The following KCNQ1 variants were observed in gnomAD, a reference collection of about 807,000 sequenced individuals.
The protein encoded by KCNQ1 is potassium voltage-gated channel subfamily KQT member 1.
Under a neutral mutation model 72.4 loss-of-function variants are expected in KCNQ1, and 49 were observed. The observed-to-expected ratio is 0.68, with a 90% CI of 0.54 to 0.86. KCNQ1 has a LOEUF of 0.86. Ranked by LOEUF, KCNQ1 falls within the 40% of genes least tolerant of loss-of-function variation. The probability of loss-of-function intolerance (pLI) is 0.00; values close to 1 mark genes in which losing one functional copy is unlikely to be tolerated. For missense variants in KCNQ1, 790 were observed against 945.1 expected (o/e 0.84, Z 2.15); for synonymous variants, 450 against 412.6 (o/e 1.09, Z -1.10).
At position 2,766,762 on chromosome 11, in the gene KCNQ1, G is replaced by T. The variant is rs1239223553; in HGVS notation, c.1515-2082G>T. Among the ~76,000 whole-genome samples, 1 of 152,102 alleles carries T rather than the reference G, an allele frequency of 6.6e-6. No individual in the cohort carries two copies. Among genetic ancestry groups the T allele is most frequent in the Non-Finnish European group, 1.5e-5 (1 of 68,024 alleles). The stretch of plus-strand genomic sequence containing the variant: ...CCTTCCAGCCTCTGTCCAATTCCTT[G>T]TCCCAAAATTAATGCTGTAAGTTTT... On this transcript the variant is annotated intron_variant, in intron 11 of 15. Transcript: ENST00000155840. This position sits in a 1 kb window ranked among gnomAD's most constrained non-coding sequence, Gnocchi z 4.4.
chr11:2,825,137 G>A (rs1847813669), intron 15 of KCNQ1, among the ~76,000 whole-genome samples: 1 of 152,234 alleles, frequency 6.6e-6, no homozygotes, highest in African/African-American at 2.4e-5. Context: ...ACGGTGGAAA[G>A]AGAGTCCAGA....
chr11:2,597,273 A>C (rs1022450465), intron 10 of KCNQ1, among the ~76,000 whole-genome samples: 2 of 152,360 alleles, frequency 1.3e-5, no homozygotes, highest in Admixed American at 1.3e-4. Context: ...TGTGGAGATA[A>C]ATAAGGCAAT....
At chr11:2,680,321 C>T (rs1850373176) in intron 11 of KCNQ1, 2 of 330,806 alleles carry the variant, frequency 6.0e-6, no homozygotes. Context: ...GCCTTCCCCA[C>T]CTCAAAAAAA....
rs996603883 is a variant in KCNQ1, at chr11:2,752,033, C to T, written c.1515-16811C>T. Among the ~76,000 whole-genome samples, 1 of 152,364 alleles carries T rather than the reference C, an allele frequency of 6.6e-6. No homozygotes were observed. Among genetic ancestry groups the T allele is most frequent in the African/African-American group, 2.4e-5 (1 of 41,576 alleles). ...ACCTCTCTGGGGTACCTTGTACTGC[C>T]CTGTCCTCCCCACGCCCTGAGGGGC... On this transcript the variant is annotated intron_variant, in intron 11 of 15. Coordinates refer to ENST00000155840, the MANE Select transcript of KCNQ1 (RefSeq NM_000218.3). This position sits in a 1 kb window ranked among gnomAD's most constrained non-coding sequence, Gnocchi z 5.2.
chr11:2,811,982 C>T (rs987395418), intron 15 of KCNQ1, among the ~76,000 whole-genome samples: 14 of 152,170 alleles, frequency 9.2e-5, no homozygotes, highest in South Asian at 2.1e-4. Context: ...CGCCCTGGCA[C>T]GCAGCCCCAC....
intron 15 of KCNQ1, among the ~76,000 whole-genome samples, chr11:2,802,001 G>T (rs969551937): frequency 3.3e-5 from 5 of 152,130 alleles, no homozygotes; most frequent in African/African-American, 1.2e-4. Context: ...CTCCAGTAGG[G>T]TGTTGGGGGA....
Position 2,808,057 on chromosome 11 carries a change from G to A in KCNQ1, c.1794+30020G>A, listed in dbSNP as rs373670024. ...CCACTGAGCACCTGGCCCAGTGCCC[G>A]GCACGTGGCAAGTGAAGGCGGCTGC... On this transcript the variant is annotated intron_variant, in intron 15 of 15. Coordinates refer to ENST00000155840, the MANE Select transcript of KCNQ1 (RefSeq NM_000218.3). The surrounding 1 kb of genome is among the most constrained non-coding windows in gnomAD (Gnocchi z 6.0). 3.9e-5 allele frequency among the ~76,000 whole-genome samples: 6 copies of A among 152,126 alleles called. No homozygotes were observed. Among genetic ancestry groups the A allele is most frequent in the East Asian group, 1.9e-4 (1 of 5,170 alleles).
intron 2 of KCNQ1, among the ~76,000 whole-genome samples, chr11:2,535,376 C>T (rs1275020178): frequency 6.6e-6 from 1 of 152,192 alleles, no homozygotes; most frequent in Non-Finnish European, 1.5e-5. Context: ...TCAGGGTCGA[C>T]CCCTGATGTC....
At chr11:2,696,070 T>C in intron 11 of KCNQ1, 1 of 398,644 alleles carries the variant, frequency 2.5e-6, no homozygotes, top group Non-Finnish European at 4.4e-6. Flanking sequence ...GTCTTGACCC[T>C]TGCCATGATG....
intron 1 of KCNQ1, among the ~76,000 whole-genome samples, chr11:2,503,868 T>G (rs749072608): frequency 6.6e-6 from 1 of 152,176 alleles, no homozygotes; most frequent in African/African-American, 2.4e-5. Context: ...AGGGAATCCT[T>G]GTACACTGTT....
At chr11:2,716,237 G>A (rs562211877) in intron 11 of KCNQ1, among the ~76,000 whole-genome samples, 2 of 151,824 alleles carry the variant, frequency 1.3e-5, no homozygotes, top group East Asian at 3.9e-4. Flanking sequence ...AGGCTCAAGC[G>A]GTCCTCTCAC....
In KCNQ1 at chr11:2,620,221, T is replaced by TTTTTA. The variant is rs1564835907; in HGVS notation, c.1393+31369_1393+31370insTTATT. Reference sequence around the variant, plus strand: ...CATGTATATATATATATTTTTTTTTTTTATTTTTTTTTTAGACGGAGTTTC... The same window carrying TTTTTA: ...CATGTATATATATATATTTTTTTTTTTTTTATTATTTTTTTTTTAGACGGAGTTTC... On this transcript the variant is annotated intron_variant, in intron 10 of 15. Transcript: ENST00000155840. This position sits in a 1 kb window ranked among gnomAD's most constrained non-coding sequence, Gnocchi z 4.5. 1.8e-5 allele frequency: 5 copies of TTTTTA among 280,188 alleles called. No homozygotes were observed. The highest frequency in any genetic ancestry group is 5.2e-5 in the Admixed American group (1 of 19,196). The allele number at this position is 280,188 out of a possible 1,614,324, so 17.4% of individuals were successfully genotyped here. A position where few individuals can be genotyped will look rare whatever the true frequency, so the allele number is the denominator to read the frequency against.
intron 11 of KCNQ1, among the ~76,000 whole-genome samples, chr11:2,756,981 A>AAAAAAAAAAAAAAAAAAAAC (rs58902386): frequency 6.1e-5 from 7 of 115,220 alleles, no homozygotes; most frequent in East Asian, 6.1e-4. Context: ...AAAAAAAAAA[A>AAAAAAAAAAAAAAAAAAAAC]CCCACAGCTA....
intron 1 of KCNQ1, among the ~76,000 whole-genome samples, chr11:2,496,005 A>G (rs1181617363): frequency 6.6e-6 from 1 of 152,208 alleles, no homozygotes; most frequent in African/African-American, 2.4e-5. Flanking sequence ...AACTTGTTTT[A>G]TGAATCTAGG....
At position 2,471,727 on chromosome 11, in the gene KCNQ1, C is replaced by T. The variant is rs57725909; in HGVS notation, c.386+26243C>T. On this transcript the variant is annotated intron_variant, in intron 1 of 15. Transcript: ENST00000155840. This position sits in a 1 kb window ranked among gnomAD's most constrained non-coding sequence, Gnocchi z 4.8. ...ATAGGTGTGTGTATGTGTGCATGGG[C>T]GTGTGTATGTGTGCATGGGCGTGTG... is the stretch of plus-strand genomic sequence containing the variant. 0.019 allele frequency among the ~76,000 whole-genome samples: 2,612 copies of T among 135,168 alleles called. 63 individuals are homozygous for T. The highest frequency in any genetic ancestry group is 0.055 in the African/African-American group (1,741 of 31,742). 88.7% of individuals were successfully genotyped at this position (135,168 alleles called of 152,430 possible).
Position 2,762,921 on chromosome 11 carries a change from C to T in KCNQ1, c.1515-5923C>T, listed in dbSNP as rs1846430211. 6.6e-6 allele frequency among the ~76,000 whole-genome samples: 1 copy of T among 152,184 alleles called. No homozygotes were observed. The highest frequency in any genetic ancestry group is 1.5e-5 in the Non-Finnish European group (1 of 68,030). ...CCCCCACTGTTCATCTGTCTGCCCA[C>T]ACGCTCTTAATCAAGCCCTGTGGCC... On this transcript the variant is annotated intron_variant, in intron 11 of 15. Coordinates refer to ENST00000155840, the MANE Select transcript of KCNQ1 (RefSeq NM_000218.3). This position sits in a 1 kb window ranked among gnomAD's most constrained non-coding sequence, Gnocchi z 4.3.
Position 2,488,730 on chromosome 11 carries a change from C to A in KCNQ1, c.387-39198C>A, listed in dbSNP as rs1237027578. 1.3e-5 allele frequency among the ~76,000 whole-genome samples: 2 copies of A among 152,148 alleles called. No individual in the cohort carries two copies. Among genetic ancestry groups the A allele is most frequent in the African/African-American group, 4.8e-5 (2 of 41,450 alleles). ...TTTCACTTCTGATTTCAGTAGTCTTCTCTCTTTTTTACTTAGTCCATCTAG... is the reference window on the plus strand; with the variant it reads ...TTTCACTTCTGATTTCAGTAGTCTTATCTCTTTTTTACTTAGTCCATCTAG... On this transcript the variant is annotated intron_variant, in intron 1 of 15. Transcript: ENST00000155840. This position sits in a 1 kb window ranked among gnomAD's most constrained non-coding sequence, Gnocchi z 5.1.
rs1849948416 is a variant in KCNQ1, at chr11:2,661,095, A to G, written c.1394-866A>G. 3 of 398,548 alleles carry G rather than the reference A, an allele frequency of 7.5e-6. No homozygotes were observed. In the South Asian group the frequency reaches 3.8e-4, roughly 51 times the overall value. The allele number at this position is 398,548 out of a possible 1,614,324, so 24.7% of individuals were successfully genotyped here. A position where few individuals can be genotyped will look rare whatever the true frequency, so the allele number is the denominator to read the frequency against. On this transcript the variant is annotated intron_variant, in intron 10 of 15. Transcript: ENST00000155840. This position sits in a 1 kb window ranked among gnomAD's most constrained non-coding sequence, Gnocchi z 5.9. ...AGTGACATCCCATGTGCATAAAAGC[A>G]ACTCCCACCTGGCATCTGCTGCTCG...
rs533930304 is a variant in KCNQ1 at position 2,459,021 on chromosome 11, G to A, written c.386+13537G>A. Among the ~76,000 whole-genome samples the A allele has an allele frequency of 7.9e-5, 12 of 152,292 alleles. No homozygotes were observed. The South Asian group carries it at 2.1e-3, about 26-fold the overall frequency. On this transcript the variant is annotated intron_variant, in intron 1 of 15. Transcript: ENST00000155840. ...CTGCCATGGTGCATTTCTGATTCCC[G>A]TGCCCAGTTGGGAGGCTTTGGGGTT...
Sources: allele counts gnomAD v4.1 joint callset (sites outside exome capture counted in the v4.1 genomes callset), GRCh38; gene constraint gnomAD v4.1.1; non-coding constraint Gnocchi (gnomAD v3.1); transcripts MANE v1.5; gene names NCBI Gene and HGNC (gene_info 2026-07-23, HGNC 2026-07-21).